The following SGCZ variants were observed in gnomAD, a reference collection of about 807,000 sequenced individuals.
SGCZ encodes the protein sarcoglycan zeta.
SGCZ carries 40 observed loss-of-function variants against 41.3 expected under a neutral mutation model. That is an observed-to-expected ratio of 0.97 (90% CI 0.75 to 1.26). The LOEUF is 1.26. SGCZ is among the 50% of genes most tolerant of loss of function. SGCZ has a pLI of 0.00. For missense variants in SGCZ, 552 were observed against 369.8 expected, an observed-to-expected ratio of 1.49 and a Z score of -4.04; for synonymous variants, 206 against 137.5, an observed-to-expected ratio of 1.50 and a Z score of -3.49.
At chr8:14,977,258 C>T (rs9325741) in intron 1 of SGCZ, among the ~76,000 whole-genome samples, 2 of 152,154 alleles carry the variant, frequency 1.3e-5, no homozygotes, top group Non-Finnish European at 2.9e-5. Flanking sequence ...ATCTCTTTAC[C>T]GGTGAGAACT....
chr8:14,190,381 G>GTGTA (rs1563176184), intron 4 of SGCZ, among the ~76,000 whole-genome samples: 2 of 149,106 alleles, frequency 1.3e-5, no homozygotes, highest in Non-Finnish European at 3.0e-5. Context: ...GTGTGTGTGT[G>GTGTA]TATATATATA....
intron 1 of SGCZ, among the ~76,000 whole-genome samples, chr8:14,927,283 C>G (rs28617181): frequency 0.14 from 21,221 of 151,284 alleles, 1,616 homozygotes; most frequent in African/African-American, 0.19. Context: ...TAATTTTTTT[C>G]TATATTTAGT....
chr8:14,390,224 A>C (rs1804719946), intron 2 of SGCZ, among the ~76,000 whole-genome samples: 1 of 151,990 alleles, frequency 6.6e-6, no homozygotes, highest in African/African-American at 2.4e-5. Flanking sequence ...AATAAGTAAT[A>C]ATCATCCTTG....
At chr8:14,257,495 T>G (rs908893384) in intron 3 of SGCZ, among the ~76,000 whole-genome samples, 198 of 152,274 alleles carry the variant, frequency 1.3e-3, no homozygotes, top group Non-Finnish European at 2.4e-3. Flanking sequence ...ACAATTTTTT[T>G]TTTATACTTT....
intron 2 of SGCZ, among the ~76,000 whole-genome samples, chr8:14,546,488 G>T (rs1803631959): frequency 6.6e-6 from 1 of 152,122 alleles, no homozygotes; most frequent in African/African-American, 2.4e-5. Flanking sequence ...TTATAAAGGT[G>T]CCATTAATAA....
chr8:14,151,144 A>C (rs1803696564), intron 5 of SGCZ, among the ~76,000 whole-genome samples: 1 of 152,128 alleles, frequency 6.6e-6, no homozygotes, highest in African/African-American at 2.4e-5. Context: ...ATAATAACTT[A>C]ATTGCACATT....
In SGCZ at chr8:15,094,861, T is replaced by A. The variant is rs1271532921; in HGVS notation, c.39+142724A>T. 2.6e-5 allele frequency among the ~76,000 whole-genome samples: 4 copies of A among 152,106 alleles called. No homozygotes were observed. The East Asian group carries it at 7.7e-4, about 29-fold the overall frequency. ...CCACCCTGTCAAGAGGTACCTTCTG[T>A]CATGTTTGTATGTTTCCCAAAGGCT... On this transcript the variant is annotated intron_variant, in intron 1 of 7. Transcript: ENST00000382080.
At chr8:14,819,081 C>T (rs898069985) in intron 1 of SGCZ, among the ~76,000 whole-genome samples, 7 of 151,496 alleles carry the variant, frequency 4.6e-5, no homozygotes, top group African/African-American at 1.5e-4. Flanking sequence ...CCCAAAAGAA[C>T]CTTCCAAGGC....
intron 1 of SGCZ, among the ~76,000 whole-genome samples, chr8:14,770,373 T>G (rs937263948): frequency 2.0e-5 from 3 of 151,536 alleles, no homozygotes; most frequent in African/African-American, 7.3e-5. Context: ...GTGTGTTGAA[T>G]AAATAGTTTT....
At chr8:14,258,780 C>A (rs988771086) in intron 3 of SGCZ, among the ~76,000 whole-genome samples, 3 of 152,114 alleles carry the variant, frequency 2.0e-5, no homozygotes, top group Non-Finnish European at 2.9e-5. Context: ...GCTTGCATGA[C>A]CTTCAAGTGT....
rs952092350 is a variant in SGCZ at position 14,136,237 on chromosome 8, G to A, written c.548-28002C>T. 5.9e-5 allele frequency among the ~76,000 whole-genome samples: 9 copies of A among 152,116 alleles called. No individual in the cohort carries two copies. The East Asian group carries it at 7.7e-4, about 13-fold the overall frequency. ...GTCTACAGCTCCCAGTGTGAGTGAC[G>A]CAGAAGACAGGTGATTTCTGCATTT... On this transcript the variant is annotated intron_variant, in intron 5 of 7. Transcript: ENST00000382080.
intron 1 of SGCZ, among the ~76,000 whole-genome samples, chr8:14,732,260 T>G (rs1447293735): frequency 6.6e-6 from 1 of 152,150 alleles, no homozygotes; most frequent in African/African-American, 2.4e-5. Context: ...GCAGCTCTTA[T>G]CTTATCCTTT....
intron 1 of SGCZ, among the ~76,000 whole-genome samples, chr8:15,159,042 G>C (rs148806737): frequency 6.6e-6 from 1 of 152,172 alleles, no homozygotes; most frequent in Admixed American, 6.5e-5. Context: ...TTCAGGATGG[G>C]AGCTGGTCAC....
At chr8:14,106,801 T>C (rs1425017140) in intron 6 of SGCZ, among the ~76,000 whole-genome samples, 3 of 152,206 alleles carry the variant, frequency 2.0e-5, no homozygotes, top group Non-Finnish European at 4.4e-5. Context: ...GTGACTAGTT[T>C]TTATCAGCAC....
At chr8:14,582,711 G>C (rs1429291175) in intron 1 of SGCZ, among the ~76,000 whole-genome samples, 5 of 131,544 alleles carry the variant, frequency 3.8e-5, no homozygotes, top group African/African-American at 1.5e-4. Context: ...TCCTGTGTCC[G>C]TGTGTTCTCA....
At chr8:14,972,682 C>T (rs1324533715) in intron 1 of SGCZ, among the ~76,000 whole-genome samples, 1 of 152,142 alleles carries the variant, frequency 6.6e-6, no homozygotes, top group Non-Finnish European at 1.5e-5. Context: ...TTAGAGGCTG[C>T]TCTAAAGTTT....
intron 1 of SGCZ, among the ~76,000 whole-genome samples, chr8:14,635,891 T>A (rs570221356): frequency 7.1e-4 from 108 of 152,012 alleles, no homozygotes; most frequent in African/African-American, 2.5e-3. Flanking sequence ...CTTGGGGCGT[T>A]ATTTAAGAAA....
intron 5 of SGCZ, among the ~76,000 whole-genome samples, chr8:14,163,121 C>G (rs1343924008): frequency 6.6e-6 from 1 of 152,140 alleles, no homozygotes; most frequent in Admixed American, 6.5e-5. Flanking sequence ...CCTCTGTCTC[C>G]CAAAGTGCTG....
chr8:14,114,305 C>A (rs1452658711), intron 5 of SGCZ, among the ~76,000 whole-genome samples: 2 of 151,960 alleles, frequency 1.3e-5, no homozygotes, highest in Non-Finnish European at 2.9e-5. Flanking sequence ...TTGTTTAACA[C>A]TTTAACACAA....
Sources: gnomAD v4.1 joint callset for allele counts (sites outside exome capture counted in the v4.1 genomes callset) on GRCh38, gnomAD v4.1.1 for gene constraint, MANE v1.5 for transcripts, NCBI Gene and HGNC (gene_info 2026-07-23, HGNC 2026-07-21) for gene names.